PLCH2: variants seen among roughly 807,000 people sequenced by gnomAD.
PLCH2 encodes 1-phosphatidylinositol 4,5-bisphosphate phosphodiesterase eta-2.
PLCH2 carries 98 observed loss-of-function variants against 134.7 expected under a neutral mutation model. The ratio of observed to expected loss-of-function variants is 0.73; its 90% confidence interval spans 0.62 to 0.86. The LOEUF is 0.86. Ranked by LOEUF, PLCH2 falls within the 40% of genes least tolerant of loss-of-function variation. The pLI, the probability that PLCH2 is intolerant of heterozygous loss-of-function variation, is 0.00. For missense variants in PLCH2, 1,994 were observed against 1,986.6 expected (o/e 1.00, Z -0.07); for synonymous variants, 974 against 827.5 (o/e 1.18, Z -3.04).
chr1:2,453,637 C>A (rs999347033), intron 2 of PLCH2, among the ~76,000 whole-genome samples: 1 of 152,198 alleles, frequency 6.6e-6, no homozygotes, highest in Non-Finnish European at 1.5e-5. Context: ...TCCACCACCC[C>A]TTCCTTCCAC....
chr1:2,435,169 G>A (rs1455189623), intron 2 of PLCH2, among the ~76,000 whole-genome samples: 2 of 152,200 alleles, frequency 1.3e-5, no homozygotes, highest in Non-Finnish European at 2.9e-5. Flanking sequence ...AGCTCACCAG[G>A]ACGAAGGAGA....
rs191654453 is a variant in PLCH2, at chr1:2,433,233, A to G, written c.115+2604A>G. On this transcript the variant is annotated intron_variant, in intron 2 of 3. Coordinates refer to the PLCH2 transcript ENST00000609981. ...CGTGCTCAGGTGTCCGGGGAGGACC[A>G]GTGTGCTGTGGTGTGGGTGGTGGTG... Among the ~76,000 whole-genome samples the G allele has an allele frequency of 9.8e-4, 149 of 152,284 alleles. 5 individuals carry two copies. In the East Asian group the frequency reaches 0.025, roughly 25 times the overall value.
intron 8 of PLCH2, among the ~76,000 whole-genome samples, chr1:2,488,288 G>A (rs929374824): frequency 2.6e-5 from 4 of 152,216 alleles, no homozygotes; most frequent in African/African-American, 9.6e-5. Flanking sequence ...CCCATCCCTG[G>A]GACTGTAGGT....
chr1:2,434,061 G>T (rs569818490), intron 2 of PLCH2, among the ~76,000 whole-genome samples: 2 of 152,244 alleles, frequency 1.3e-5, no homozygotes, highest in African/African-American at 4.8e-5. Context: ...TCGCGCGTCC[G>T]GCTTCGTGGC....
At chr1:2,471,648 T>C (rs556644839), upstream of PLCH2, among the ~76,000 whole-genome samples, 1 of 152,224 alleles carries the variant, frequency 6.6e-6, no homozygotes, top group East Asian at 1.9e-4. Context: ...GCTGCTGTCC[T>C]CCCCCTGCTC....
Position 2,439,156 on chromosome 1 carries a change from T to G in PLCH2, c.115+8527T>G, listed in dbSNP as rs1021417586. 6.6e-6 allele frequency among the ~76,000 whole-genome samples: 1 copy of G among 152,190 alleles called. No individual in the cohort carries two copies. Among genetic ancestry groups the G allele is most frequent in the Non-Finnish European group, 1.5e-5 (1 of 68,024 alleles). The stretch of plus-strand genomic sequence containing the variant: ...GGGACCCTGGGCAGGTGCCTTTCTC[T>G]CTTTGTGCCTCAGTTTCCCCCTCAG... On this transcript the variant is annotated intron_variant, in intron 2 of 3. Coordinates refer to the PLCH2 transcript ENST00000609981. This position sits in a 1 kb window ranked among gnomAD's most constrained non-coding sequence, Gnocchi z 4.7.
chr1:2,436,297 TCCTTCTTCCCTCCTCCCTTCCTCCC>T (rs1639358744), intron 2 of PLCH2, among the ~76,000 whole-genome samples: 1 of 40,462 alleles, frequency 2.5e-5, no homozygotes, highest in African/African-American at 1.0e-4. Flanking sequence ...CCTCCTTTCC[TCCTTCTTCCCTCCTCCCTTCCTCCC>T]TCCTCCCTTC....
upstream of PLCH2, among the ~76,000 whole-genome samples, chr1:2,476,147 G>A (rs1423684493): frequency 3.3e-5 from 5 of 152,242 alleles, no homozygotes; most frequent in Non-Finnish European, 7.3e-5. Context: ...TGGGTCTGGT[G>A]GCCTGGGGCC....
chr1:2,483,986 G>C (rs76224752), intron 4 of PLCH2, among the ~76,000 whole-genome samples: 329 of 24,046 alleles, frequency 0.014, 145 homozygotes, highest in African/African-American at 0.018. Flanking sequence ...CTCCCGTGTG[G>C]GGGGGCGCTG....
chr1:2,417,973 G>A, the PLCH2 span, among the ~76,000 whole-genome samples: 1 of 152,204 alleles, frequency 6.6e-6, no homozygotes, highest in Non-Finnish European at 1.5e-5. Flanking sequence ...CGGACCCCCA[G>A]CTCAGGGCTT....
At chr1:2,445,676 C>T (rs573162077) in intron 2 of PLCH2, among the ~76,000 whole-genome samples, 4 of 152,046 alleles carry the variant, frequency 2.6e-5, no homozygotes, top group African/African-American at 4.8e-5. Flanking sequence ...GCAGGAGAGA[C>T]CCCCTACAGA....
In PLCH2 at chr1:2,483,791, G is replaced by GTGGCGCTGACCCCCGTGTGGGGGT. The variant is rs138032046; in HGVS notation, c.646-657_646-656insTGGCGCTGACCCCCGTGTGGGGGT. ...GGGGGGCGCTGACCCCCGTTTGGGG[G>GTGGCGCTGACCCCCGTGTGGGGGT]GGCGCTGACCCCCGTGTGGGGGTGG... is the stretch of plus-strand genomic sequence containing the variant. On this transcript the variant is annotated intron_variant, in intron 4 of 21. Transcript: ENST00000378486. Among the ~76,000 whole-genome samples the GTGGCGCTGACCCCCGTGTGGGGGT allele has an allele frequency of 2.4e-5, 2 of 84,310 alleles. 1 individual carries two copies. The highest frequency in any genetic ancestry group is 2.7e-4 in the Admixed American group (2 of 7,450). The allele number at this position is 84,310 out of a possible 152,430, so 55.3% of individuals were successfully genotyped here.
Position 2,504,196 on chromosome 1 carries a change from C to A in PLCH2, c.3234C>A (p.Gly1078=). 6.5e-7 allele frequency: 1 copy of A among 1,548,518 alleles called. No homozygotes were observed. The highest frequency in any genetic ancestry group is 1.2e-5 in the South Asian group (1 of 84,684). The change falls in exon 22 of 22, where the codon GGC becomes GGA. Residue 1078 remains glycine, a synonymous_variant. Coordinates refer to ENST00000378486, the MANE Select transcript of PLCH2 (RefSeq NM_014638.4). ...GGGCCCCCGGCAGCCAGACGGACGG[C>A]AGGAGCCAGCCCCGGACCCTGGGCC... is the stretch of plus-strand genomic sequence containing the variant. ...YERAPGSQTD[G]RSQPRTLGHL... is the part of the protein sequence containing the mutation.
At chr1:2,479,695 C>A (rs969646062) in intron 2 of PLCH2, 39 bp from the exon 3 acceptor site, 3 of 1,510,346 alleles carry the variant, frequency 2.0e-6, no homozygotes, top group African/African-American at 1.4e-5. Flanking sequence ...GACGCTGGGC[C>A]CCCGGGGACC....
chr1:2,446,312 C>T (rs1557954199), intron 2 of PLCH2, among the ~76,000 whole-genome samples: 1 of 152,248 alleles, frequency 6.6e-6, no homozygotes, highest in Non-Finnish European at 1.5e-5. Context: ...GTTCCATTGC[C>T]ACTCACCCCC....
chr1:2,503,346 G>C lies in PLCH2; in HGVS notation c.2960-576G>C, dbSNP rs536528192. The C allele has an allele frequency of 5.2e-6, 3 of 582,464 alleles. No homozygotes were observed. In the African/African-American group the frequency reaches 5.6e-5, roughly 11 times the overall value. The allele number at this position is 582,464 out of a possible 1,614,324, so 36.1% of individuals were successfully genotyped here. A position where few individuals can be genotyped will look rare whatever the true frequency, so the allele number is the denominator to read the frequency against. On this transcript the variant is annotated intron_variant, in intron 21 of 21. Coordinates refer to ENST00000378486, the MANE Select transcript of PLCH2 (RefSeq NM_014638.4). Reference sequence around the variant, plus strand: ...CACCTCCCTCTAGGGCAGGCTCCAGGGGTCCCTACTGGGAAGTCTGATGTG... The same window carrying C: ...CACCTCCCTCTAGGGCAGGCTCCAGCGGTCCCTACTGGGAAGTCTGATGTG...
chr1:2,441,248 G>A (rs887149210), intron 2 of PLCH2, among the ~76,000 whole-genome samples: 1 of 152,220 alleles, frequency 6.6e-6, no homozygotes, highest in East Asian at 1.9e-4. Context: ...GCCAGCCCCT[G>A]CTGTGAAGCC....
chr1:2,448,214 G>A lies in PLCH2; in HGVS notation c.115+17585G>A, dbSNP rs1054869141. Among the ~76,000 whole-genome samples the A allele has an allele frequency of 9.9e-5, 15 of 152,230 alleles. No homozygotes were observed. Among genetic ancestry groups the A allele is most frequent in the Non-Finnish European group, 2.1e-4 (14 of 68,034 alleles). On this transcript the variant is annotated intron_variant, in intron 2 of 3. Coordinates refer to the PLCH2 transcript ENST00000609981. The surrounding 1 kb of genome is among the most constrained non-coding windows in gnomAD (Gnocchi z 4.0). ...GGGGTGTGTTTCCTGCAGCTGCTGGGACCGGCTGCCGTGCACTGGCCACTA... is the reference window on the plus strand; with the variant it reads ...GGGGTGTGTTTCCTGCAGCTGCTGGAACCGGCTGCCGTGCACTGGCCACTA...
At chr1:2,425,690 G>GTT (rs74733826), upstream of PLCH2, among the ~76,000 whole-genome samples, 167 of 142,238 alleles carry the variant, frequency 1.2e-3, 1 homozygote, top group East Asian at 0.016. Context: ...ATTTTGGTGT[G>GTT]TTTTTTTTTT....
Sources: gnomAD v4.1 joint callset for allele counts (sites outside exome capture counted in the v4.1 genomes callset) on GRCh38, gnomAD v4.1.1 for gene constraint, Gnocchi (gnomAD v3.1) non-coding constraint, MANE v1.5 for transcripts, NCBI Gene and HGNC (gene_info 2026-07-23, HGNC 2026-07-21) for gene names.